LRP1B: variants seen among roughly 807,000 people sequenced by gnomAD.
The protein encoded by LRP1B is LDL receptor related protein 1B.
A neutral mutation model predicts 556.6 loss-of-function variants in LRP1B; 217 were observed. The ratio of observed to expected loss-of-function variants is 0.39; its 90% CI spans 0.35 to 0.44. LRP1B has a LOEUF of 0.44. Among genes scored for constraint, LRP1B ranks in the 20% least tolerant of loss-of-function variants. The pLI is 1.00. For synonymous variants in LRP1B, 2,047 were observed against 1,865.8 expected (o/e 1.10, Z -2.50); for missense variants, 5,053 against 5,620.8 (o/e 0.90, Z 3.23).
chr2:140,728,940 A>G (rs1489742017), intron 35 of LRP1B, among the ~76,000 whole-genome samples: 1 of 152,086 alleles, frequency 6.6e-6, no homozygotes. Context: ...TTTAATAAGC[A>G]TAATAAATAT....
intron 6 of LRP1B, among the ~76,000 whole-genome samples, chr2:141,215,542 C>A (rs1314754048): frequency 6.6e-6 from 1 of 152,096 alleles, no homozygotes; most frequent in Non-Finnish European, 1.5e-5. Context: ...TTCTTAGGGA[C>A]TGGGTATATG....
chr2:140,806,244 GT>G (rs1196154279), intron 32 of LRP1B, among the ~76,000 whole-genome samples: 1 of 152,016 alleles, frequency 6.6e-6, no homozygotes, highest in Non-Finnish European at 1.5e-5. Context: ...CTCAGCCTAT[GT>G]TAATTTGCTA....
intron 8 of LRP1B, among the ~76,000 whole-genome samples, chr2:141,061,233 G>A (rs918944693): frequency 1.3e-5 from 2 of 151,630 alleles, no homozygotes; most frequent in African/African-American, 4.8e-5. Context: ...TGTCAAGGAA[G>A]GAGAAAGGAT....
intron 2 of LRP1B, among the ~76,000 whole-genome samples, chr2:141,560,063 G>A (rs577287116): frequency 6.6e-6 from 1 of 151,510 alleles, no homozygotes; most frequent in African/African-American, 2.4e-5. Flanking sequence ...TAATTGCTTT[G>A]GGCTTTGTGC....
intron 41 of LRP1B, among the ~76,000 whole-genome samples, chr2:140,685,984 C>T (rs1013261315): frequency 6.6e-5 from 10 of 151,880 alleles, no homozygotes; most frequent in Non-Finnish European, 1.0e-4. Flanking sequence ...TGGGCTGCAG[C>T]GCAAAAAAGA....
At chr2:141,469,810 T>C (rs1469812131) in intron 3 of LRP1B, among the ~76,000 whole-genome samples, 1 of 152,184 alleles carries the variant, frequency 6.6e-6, no homozygotes, top group Non-Finnish European at 1.5e-5. Flanking sequence ...AATGTTTCAC[T>C]TTCCAGGGTT....
At chr2:142,044,881 T>A (rs1704199255) in intron 1 of LRP1B, among the ~76,000 whole-genome samples, 1 of 151,758 alleles carries the variant, frequency 6.6e-6, no homozygotes, top group South Asian at 2.1e-4. Context: ...TACAGATACA[T>A]GCTAATATCC....
rs774371338 is a variant in LRP1B, at chr2:140,355,272, TTG to T, written c.11530+1068_11530+1069del. ...TATTGAAATTAAAATATTGAAAGAA[TTG>T]TGTGTGTGTGTGTTTATATGTAATT... On this transcript the variant is annotated intron_variant, in intron 75 of 90. Coordinates refer to ENST00000389484, the MANE Select transcript of LRP1B (RefSeq NM_018557.3). Among the ~76,000 whole-genome samples, 7 of 151,510 alleles carry T rather than the reference TTG, an allele frequency of 4.6e-5. No individual in the cohort carries two copies. The East Asian group carries it at 7.8e-4, about 17-fold the overall frequency.
At chr2:141,286,663 A>G (rs1480470304) in intron 3 of LRP1B, 1 of 431,932 alleles carries the variant, frequency 2.3e-6, no homozygotes, top group Non-Finnish European at 4.7e-6. Context: ...TAACATCTTT[A>G]AAAGATACAA....
intron 52 of LRP1B, among the ~76,000 whole-genome samples, chr2:140,507,415 A>C (rs568026325): frequency 6.6e-6 from 1 of 152,226 alleles, no homozygotes; most frequent in Non-Finnish European, 1.5e-5. Context: ...GTCTTTAAAA[A>C]AATAAAATAA....
At chr2:141,495,474 C>A (rs1683478049) in intron 2 of LRP1B, among the ~76,000 whole-genome samples, 1 of 152,096 alleles carries the variant, frequency 6.6e-6, no homozygotes, top group Admixed American at 6.6e-5. Flanking sequence ...GACCCAGTTT[C>A]AATCTGGCCT....
At chr2:142,062,866 T>TCAATATATTC (rs1430137136) in intron 1 of LRP1B, among the ~76,000 whole-genome samples, 5 of 151,718 alleles carry the variant, frequency 3.3e-5, no homozygotes, top group African/African-American at 1.2e-4. Flanking sequence ...TGGGAACTGC[T>TCAATATATTC]CAATATATTC....
intron 1 of LRP1B, among the ~76,000 whole-genome samples, chr2:141,826,508 C>T (rs926407980): frequency 4.6e-5 from 7 of 151,744 alleles, no homozygotes; most frequent in East Asian, 1.9e-4. Context: ...TACAGGTGCC[C>T]GCCACCATGC....
intron 66 of LRP1B, among the ~76,000 whole-genome samples, chr2:140,420,250 T>A (rs1685380106): frequency 1.3e-5 from 2 of 152,102 alleles, no homozygotes; most frequent in Non-Finnish European, 2.9e-5. Flanking sequence ...TTGAACAGAT[T>A]CTTTACTAAA....
intron 2 of LRP1B, among the ~76,000 whole-genome samples, chr2:141,773,303 T>A (rs567817596): frequency 7.0e-4 from 107 of 152,328 alleles, no homozygotes; most frequent in African/African-American, 2.5e-3. Context: ...TTTAACTTGT[T>A]AATGAAATTT....
At chr2:141,943,301 G>T (rs1020691353) in intron 1 of LRP1B, among the ~76,000 whole-genome samples, 1 of 151,996 alleles carries the variant, frequency 6.6e-6, no homozygotes, top group Non-Finnish European at 1.5e-5. Context: ...TATATATTCC[G>T]AAGTGTTATA....
At chr2:140,505,255 A>G (rs890868033) in intron 53 of LRP1B, among the ~76,000 whole-genome samples, 5 of 148,230 alleles carry the variant, frequency 3.4e-5, no homozygotes, top group African/African-American at 1.2e-4. Flanking sequence ...ACCGAGGCCC[A>G]GGGAAGTGAA....
chr2:140,274,523 G>A lies in LRP1B; in HGVS notation c.13043C>T (p.Pro4348Leu), dbSNP rs2104952332. The change falls in exon 85 of 91, where the codon CCA (proline) becomes CTA (leucine). Residue 4348 changes from proline to leucine, a missense_variant. Transcript: ENST00000389484. The part of the protein sequence containing the change: ...GDDGSVECVC[P>L]TRYEGPKCEV... ...ACATTTTGGTCCTTCATAGCGCGTT[G>A]GACAGACACATTCAACACTTCCATC... 1.9e-6 allele frequency: 3 copies of A among 1,612,454 alleles called. No homozygotes were observed. The highest frequency in any genetic ancestry group is 1.7e-4 in the Middle Eastern group (1 of 6,054).
intron 1 of LRP1B, among the ~76,000 whole-genome samples, chr2:141,829,518 A>T (rs993623016): frequency 1.3e-5 from 2 of 152,106 alleles, no homozygotes; most frequent in South Asian, 2.1e-4. Flanking sequence ...AGAGATATTT[A>T]AAGTTTTTCT....
Sources: gnomAD v4.1 joint callset for allele counts (sites outside exome capture counted in the v4.1 genomes callset) on GRCh38, gnomAD v4.1.1 for gene constraint, MANE v1.5 for transcripts, NCBI Gene and HGNC (gene_info 2026-07-23, HGNC 2026-07-21) for gene names.